Variants in COL19A1 observed in about 807,000 individuals in gnomAD.
The protein encoded by COL19A1 is collagen type XIX alpha 1 chain, also known as collagen alpha-1(XIX) chain.
In COL19A1, 159 loss-of-function variants were observed where a neutral mutation model predicts 190.2. The observed-to-expected ratio is 0.84, with a 90% CI of 0.73 to 0.95. COL19A1 has a LOEUF of 0.95. Among genes scored for constraint, COL19A1 ranks in the 40% least tolerant of loss-of-function variants. The probability of loss-of-function intolerance (pLI) is 0.00; values close to 1 mark genes in which losing one functional copy is unlikely to be tolerated. For missense variants in COL19A1, 1,418 were observed against 1,431.9 expected (o/e 0.99, Z 0.16); for synonymous variants, 509 against 458.9 (o/e 1.11, Z -1.39).
At chr6:69,953,781 T>A (rs1774260562) in intron 9 of COL19A1, among the ~76,000 whole-genome samples, 1 of 151,986 alleles carries the variant, frequency 6.6e-6, no homozygotes, top group Non-Finnish European at 1.5e-5. Flanking sequence ...CTGCTAATGT[T>A]CCTGTTTGGT....
At chr6:70,158,121 C>T (rs537539870) in intron 34 of COL19A1, among the ~76,000 whole-genome samples, 12 of 152,180 alleles carry the variant, frequency 7.9e-5, no homozygotes, top group African/African-American at 1.7e-4. Context: ...CTTCACACTA[C>T]GTGAATAATA....
intron 12 of COL19A1, among the ~76,000 whole-genome samples, chr6:70,031,902 G>A (rs545236580): frequency 6.8e-4 from 103 of 152,106 alleles, no homozygotes; most frequent in Non-Finnish European, 8.5e-4. Context: ...CCTTGAGGAC[G>A]GGAACCTTCA....
intron 4 of COL19A1, among the ~76,000 whole-genome samples, chr6:69,918,934 C>T (rs1771507272): frequency 6.6e-6 from 1 of 152,106 alleles, no homozygotes; most frequent in East Asian, 1.9e-4. Flanking sequence ...AATTACAATG[C>T]CTTTCCCCTC....
chr6:70,041,903 TA>T (rs1779653917), intron 14 of COL19A1, among the ~76,000 whole-genome samples: 1 of 150,672 alleles, frequency 6.6e-6, no homozygotes, highest in Admixed American at 6.6e-5. Flanking sequence ...AATAAAAAAA[TA>T]AAAGTAAAAA....
At chr6:70,114,996 C>T (rs753111017) in intron 16 of COL19A1, among the ~76,000 whole-genome samples, 5 of 152,172 alleles carry the variant, frequency 3.3e-5, no homozygotes, top group Non-Finnish European at 7.3e-5. Flanking sequence ...TTTGAGTCCC[C>T]ACCACTTACA....
chr6:69,900,124 CA>C lies in COL19A1; in HGVS notation c.167-114del, dbSNP rs549919243. The C allele has an allele frequency of 1.2e-3, 636 of 525,548 alleles. 2 individuals carry two copies. The highest frequency in any genetic ancestry group is 1.6e-3 in the Non-Finnish European group (524 of 321,000). 32.6% of individuals were successfully genotyped at this position (525,548 alleles called of 1,614,324 possible). A position where few individuals can be genotyped will look rare whatever the true frequency, so the allele number is the denominator to read the frequency against. On this transcript the variant is annotated intron_variant, in intron 3 of 50. Coordinates refer to ENST00000620364, the MANE Select transcript of COL19A1 (RefSeq NM_001858.6). The stretch of plus-strand genomic sequence containing the variant: ...ATCAAGAAATTTTGCTGATCCCAAG[CA>C]GCAAGATTTCGTTTGAAGTGAATCA...
rs978308779 is a variant in COL19A1 at position 70,208,469 on chromosome 6, A to T, written c.*1195A>T. ...AAGAGTTCACACCCACTCTAAAACCATGTCCTCTGAAAAGAAACAAAAATA... is the reference window on the plus strand; with the variant it reads ...AAGAGTTCACACCCACTCTAAAACCTTGTCCTCTGAAAAGAAACAAAAATA... On this transcript the variant is annotated 3_prime_UTR_variant, in exon 51 of 51. Coordinates refer to ENST00000620364, the MANE Select transcript of COL19A1 (RefSeq NM_001858.6). 1 of 152,248 alleles carries T rather than the reference A, an allele frequency of 6.6e-6. No individual in the cohort carries two copies. The highest frequency in any genetic ancestry group is 2.4e-5 in the African/African-American group (1 of 41,444). 9.4% of individuals were successfully genotyped at this position (152,248 alleles called of 1,614,324 possible). A position where few individuals can be genotyped will look rare whatever the true frequency, so the allele number is the denominator to read the frequency against.
At position 69,932,488 on chromosome 6, in the gene COL19A1, CT is replaced by C. The variant is rs529823876; in HGVS notation, c.667-289del. Among the ~76,000 whole-genome samples, 152 of 151,806 alleles carry C rather than the reference CT, an allele frequency of 1.0e-3. No homozygotes were observed. The South Asian group carries it at 0.01, about 10-fold the overall frequency. ...TCTTTACTGTAGTGTAAAACAATAG[CT>C]TTTTTAAAATTAAGTACTTCTATTT... On this transcript the variant is annotated intron_variant, in intron 6 of 50. Transcript: ENST00000620364.
chr6:70,142,092 C>A lies in COL19A1; in HGVS notation c.1572+16C>A. Reference sequence around the variant, plus strand: ...AGGACTAAAGGTATATAAGAAATAACTAAGATTTCTTGGGAAATAATTTGG... The same window carrying A: ...AGGACTAAAGGTATATAAGAAATAAATAAGATTTCTTGGGAAATAATTTGG... On this transcript the variant is annotated intron_variant, in intron 22 of 50. Coordinates refer to ENST00000620364, the MANE Select transcript of COL19A1 (RefSeq NM_001858.6). The A allele has an allele frequency of 1.9e-6, 3 of 1,604,212 alleles. No homozygotes were observed. Among genetic ancestry groups the A allele is most frequent in the Non-Finnish European group, 2.6e-6 (3 of 1,173,534 alleles).
At chr6:70,084,658 T>A (rs1782475516) in intron 15 of COL19A1, among the ~76,000 whole-genome samples, 1 of 152,156 alleles carries the variant, frequency 6.6e-6, no homozygotes, top group South Asian at 2.1e-4. Flanking sequence ...TTCCTTCTCT[T>A]CCAGATGTAC....
chr6:69,882,185 C>A (rs1031142043), intron 2 of COL19A1, among the ~76,000 whole-genome samples: 23 of 152,074 alleles, frequency 1.5e-4, no homozygotes, highest in Non-Finnish European at 1.2e-4. Flanking sequence ...TAAATAGTTA[C>A]CTGGAATTGT....
chr6:70,087,084 G>A (rs979339576), intron 15 of COL19A1, among the ~76,000 whole-genome samples: 3 of 152,116 alleles, frequency 2.0e-5, no homozygotes, highest in South Asian at 2.1e-4. Context: ...GAGTTGAGTA[G>A]TTGTGACAAA....
intron 4 of COL19A1, among the ~76,000 whole-genome samples, chr6:69,912,869 CTT>C (rs1413071379): frequency 6.6e-6 from 1 of 152,174 alleles, no homozygotes; most frequent in Non-Finnish European, 1.5e-5. Flanking sequence ...AGGCAGATCG[CTT>C]GAGCCCAGGA....
chr6:69,879,487 G>A, intron 1 of COL19A1, 49 bp from the exon 2 acceptor site: 1 of 1,018,888 alleles, frequency 9.8e-7, no homozygotes, highest in Non-Finnish European at 1.5e-6. Context: ...GATGTTGAAA[G>A]GAGCTGCATA....
At chr6:70,036,774 A>G (rs545415386) in intron 14 of COL19A1, among the ~76,000 whole-genome samples, 54 of 152,272 alleles carry the variant, frequency 3.5e-4, no homozygotes, top group African/African-American at 1.3e-3. Flanking sequence ...TCGAAGACCT[A>G]TTCTGATTAT....
At chr6:70,010,736 G>A (rs1182650262) in intron 11 of COL19A1, among the ~76,000 whole-genome samples, 2 of 133,398 alleles carry the variant, frequency 1.5e-5, no homozygotes, top group Non-Finnish European at 3.1e-5. Context: ...CTGATTGCTA[G>A]CACAGCAGTC....
intron 9 of COL19A1, among the ~76,000 whole-genome samples, chr6:69,946,637 A>G (rs567945705): frequency 7.9e-5 from 12 of 152,070 alleles, no homozygotes; most frequent in Non-Finnish European, 1.6e-4. Context: ...AGGAAGAGGT[A>G]GATTCACTTT....
At chr6:69,916,178 TG>T (rs1771288596) in intron 4 of COL19A1, among the ~76,000 whole-genome samples, 1 of 152,092 alleles carries the variant, frequency 6.6e-6, no homozygotes, top group Non-Finnish European at 1.5e-5. Flanking sequence ...CCTTGTGATC[TG>T]CCCGCCTCGG....
At chr6:69,870,157 AT>A in intron 1 of COL19A1, among the ~76,000 whole-genome samples, 1 of 152,126 alleles carries the variant, frequency 6.6e-6, no homozygotes, top group East Asian at 1.9e-4. Flanking sequence ...TGATTTGTTT[AT>A]TTTTAGTCCA....
Sources: allele counts gnomAD v4.1 joint callset (sites outside exome capture counted in the v4.1 genomes callset), GRCh38; gene constraint gnomAD v4.1.1; transcripts MANE v1.5; gene names NCBI Gene and HGNC (gene_info 2026-07-23, HGNC 2026-07-21).